The following TNFAIP8L3 variants were observed in gnomAD, a reference collection of about 807,000 sequenced individuals.
TNFAIP8L3 encodes the protein TNF alpha induced protein 8 like 3.
In TNFAIP8L3, 7 loss-of-function variants were observed where a neutral mutation model predicts 11.8. The observed-to-expected ratio is 0.59, with a 90% CI of 0.34 to 1.11. TNFAIP8L3 has a LOEUF of 1.11. TNFAIP8L3 is among the 50% of genes most tolerant of loss of function. TNFAIP8L3 has a pLI of 0.03. For synonymous variants in TNFAIP8L3, 98 were observed against 103.8 expected, an observed-to-expected ratio of 0.94 and a Z score of 0.34; for missense variants, 219 against 258.6, an observed-to-expected ratio of 0.85 and a Z score of 1.05.
At chr15:51,069,801 A>G (rs1002686311) in intron 1 of TNFAIP8L3, among the ~76,000 whole-genome samples, 1 of 152,230 alleles carries the variant, frequency 6.6e-6, no homozygotes, top group African/African-American at 2.4e-5. Flanking sequence ...GTGGCTAGTA[A>G]GTAGCAAAGC....
chr15:51,075,651 C>T (rs1030156494), intron 1 of TNFAIP8L3, among the ~76,000 whole-genome samples: 4 of 152,062 alleles, frequency 2.6e-5, no homozygotes, highest in African/African-American at 7.2e-5. Flanking sequence ...ATGCCAACAC[C>T]GTAATATGTG....
intron 1 of TNFAIP8L3, chr15:51,069,597 A>G (rs935037679): frequency 1.3e-5 from 2 of 152,188 alleles, no homozygotes; most frequent in African/African-American, 2.4e-5. Flanking sequence ...ACCCATCAGC[A>G]CTGAGCAATC....
At chr15:51,073,716 T>C (rs147614796) in intron 1 of TNFAIP8L3, among the ~76,000 whole-genome samples, 3 of 152,362 alleles carry the variant, frequency 2.0e-5, no homozygotes, top group East Asian at 3.9e-4. Flanking sequence ...CAGTGTTGAA[T>C]AGCATTACAT....
rs1296573408 is a variant in TNFAIP8L3, at chr15:51,094,716, G to A, written c.-121C>T. On this transcript the variant is annotated 5_prime_UTR_variant, in exon 1 of 2. Transcript: ENST00000637513. This position sits in a 1 kb window ranked among gnomAD's most constrained non-coding sequence, Gnocchi z 4.4. ...GAGCCCGGGCGGCGCGGGCGGCGCGGGCTGGGCGGTGCGCGGCGGCAGCGG... is the reference window on the plus strand; with the variant it reads ...GAGCCCGGGCGGCGCGGGCGGCGCGAGCTGGGCGGTGCGCGGCGGCAGCGG... The A allele has an allele frequency of 1.0e-6, 1 of 996,100 alleles. No individual in the cohort carries two copies. The highest frequency in any genetic ancestry group is 1.1e-4 in the East Asian group (1 of 9,518). The allele number at this position is 996,100 out of a possible 1,614,324, so 61.7% of individuals were successfully genotyped here. A position where few individuals can be genotyped will look rare whatever the true frequency, so the allele number is the denominator to read the frequency against.
At chr15:51,098,214 C>T (rs1311705010), upstream of TNFAIP8L3, among the ~76,000 whole-genome samples, 1 of 152,196 alleles carries the variant, frequency 6.6e-6, no homozygotes, top group East Asian at 1.9e-4. Context: ...TGCTATGACT[C>T]ATCTGCCTGT....
At chr15:51,083,397 A>G (rs1425542633) in intron 1 of TNFAIP8L3, among the ~76,000 whole-genome samples, 1 of 152,242 alleles carries the variant, frequency 6.6e-6, no homozygotes, top group Admixed American at 6.5e-5. Flanking sequence ...TAATTTAAAA[A>G]GTAATAAAAA....
At position 51,058,171 on chromosome 15, in the gene TNFAIP8L3, G is replaced by A. The variant is rs762186146; in HGVS notation, c.325C>T (p.Arg109Trp). Reference sequence around the variant, plus strand: ...ATGGCGGTCTGGTTCAGCTTCTTCCGGAACTTCTCCACAATAACCAGCTCC... The same window carrying A: ...ATGGCGGTCTGGTTCAGCTTCTTCCAGAACTTCTCCACAATAACCAGCTCC... ...QEELVIVEKF[R>W]KKLNQTAMTI... is the part of the protein sequence containing the mutation. Residue 109 changes from arginine (R) to tryptophan (W), a missense_variant, in exon 2 of 2, where the codon CGG becomes TGG. Transcript: ENST00000637513. 2.0e-5 allele frequency: 33 copies of A among 1,614,040 alleles called. No homozygotes were observed. Among genetic ancestry groups the A allele is most frequent in the South Asian group, 6.6e-5 (6 of 91,078 alleles).
intron 1 of TNFAIP8L3, among the ~76,000 whole-genome samples, chr15:51,073,153 T>C (rs2065324119): frequency 6.6e-6 from 1 of 152,040 alleles, no homozygotes; most frequent in South Asian, 2.1e-4. Context: ...TGCGCCACCA[T>C]GCCTGGCTAA....
chr15:51,058,584 A>G, intron 1 of TNFAIP8L3, 141 bp from the exon 2 acceptor site: 1 of 715,534 alleles, frequency 1.4e-6, no homozygotes, highest in Non-Finnish European at 2.2e-6. Flanking sequence ...CCCTAACTAA[A>G]CCCCACCCCA....
chr15:51,077,812 G>A (rs2065364460), intron 1 of TNFAIP8L3, among the ~76,000 whole-genome samples: 1 of 152,218 alleles, frequency 6.6e-6, no homozygotes, highest in Non-Finnish European at 1.5e-5. Flanking sequence ...GAGGAGCCTG[G>A]ACTCCAGCTC....
chr15:51,068,871 T>C (rs1008298978), intron 1 of TNFAIP8L3, among the ~76,000 whole-genome samples: 1 of 152,076 alleles, frequency 6.6e-6, no homozygotes, highest in Non-Finnish European at 1.5e-5. Flanking sequence ...TTTCACCAGG[T>C]TGGCCAGGTT....
upstream of TNFAIP8L3, among the ~76,000 whole-genome samples, chr15:51,095,655 A>T (rs1445657647): frequency 6.6e-6 from 1 of 151,550 alleles, no homozygotes; most frequent in East Asian, 1.9e-4. Context: ...TATGAAAGGA[A>T]AAAAAAAAGC....
At chr15:51,068,087 T>C (rs978017166) in intron 1 of TNFAIP8L3, among the ~76,000 whole-genome samples, 1 of 152,236 alleles carries the variant, frequency 6.6e-6, no homozygotes, top group African/African-American at 2.4e-5. Flanking sequence ...GCTTTGTATT[T>C]AAAGATAGTT....
intron 1 of TNFAIP8L3, among the ~76,000 whole-genome samples, chr15:51,081,716 C>T (rs1490319082): frequency 6.6e-6 from 1 of 152,244 alleles, no homozygotes; most frequent in Non-Finnish European, 1.5e-5. Flanking sequence ...CAGGCCTCCT[C>T]ATCCATTCCC....
At chr15:51,079,219 T>G (rs1031815578) in intron 1 of TNFAIP8L3, among the ~76,000 whole-genome samples, 1 of 152,288 alleles carries the variant, frequency 6.6e-6, no homozygotes, top group African/African-American at 2.4e-5. Context: ...GCTGGGACAC[T>G]GACCTCTTAC....
At chr15:51,074,965 G>A (rs1313146764) in intron 1 of TNFAIP8L3, among the ~76,000 whole-genome samples, 1 of 152,176 alleles carries the variant, frequency 6.6e-6, no homozygotes. Flanking sequence ...TTCCGCATCC[G>A]GTGCTGAGTT....
intron 1 of TNFAIP8L3, among the ~76,000 whole-genome samples, chr15:51,079,050 A>G (rs549961919): frequency 4.6e-5 from 7 of 152,324 alleles, no homozygotes; most frequent in African/African-American, 1.7e-4. Context: ...CCTTCAAGAC[A>G]GCCCAGACAA....
intron 1 of TNFAIP8L3, among the ~76,000 whole-genome samples, chr15:51,104,239 C>T (rs912958701): frequency 2.0e-5 from 3 of 152,140 alleles, no homozygotes; most frequent in African/African-American, 4.8e-5. Flanking sequence ...TCTCCACGGG[C>T]TCCCTCCTCC....
chr15:51,100,708 T>C (rs917244623), intron 1 of TNFAIP8L3, among the ~76,000 whole-genome samples: 2 of 151,798 alleles, frequency 1.3e-5, no homozygotes, highest in Non-Finnish European at 2.9e-5. Flanking sequence ...ATCAAGATGA[T>C]GAAAGAGGTT....
Sources: allele counts gnomAD v4.1 joint callset (sites outside exome capture counted in the v4.1 genomes callset), GRCh38; gene constraint gnomAD v4.1.1; non-coding constraint Gnocchi (gnomAD v3.1); transcripts MANE v1.5; gene names NCBI Gene and HGNC (gene_info 2026-07-23, HGNC 2026-07-21).